CRACR2A: variants seen among roughly 807,000 people sequenced by gnomAD.
CRACR2A encodes the protein EF-hand calcium-binding domain-containing protein 4B.
Under a neutral mutation model 90.5 loss-of-function variants are expected in CRACR2A, and 79 were observed. The observed-to-expected ratio is 0.87, with a 90% CI of 0.73 to 1.05. The LOEUF is 1.05. CRACR2A is among the 50% of genes least tolerant of loss of function. The probability of loss-of-function intolerance (pLI) is 0.00; values close to 1 mark genes in which losing one functional copy is unlikely to be tolerated. For synonymous variants in CRACR2A, 338 were observed against 356.7 expected (o/e 0.95, Z 0.59); for missense variants, 823 against 897.2 (o/e 0.92, Z 1.06).
intron 12 of CRACR2A, among the ~76,000 whole-genome samples, chr12:3,643,064 G>A (rs1221136549): frequency 6.6e-6 from 1 of 152,222 alleles, no homozygotes; most frequent in Non-Finnish European, 1.5e-5. Flanking sequence ...GGGAGGTGAA[G>A]GGATTCGGGT....
chr12:3,734,629 A>G (rs28670057), intron 1 of CRACR2A, among the ~76,000 whole-genome samples: 16 of 149,612 alleles, frequency 1.1e-4, no homozygotes, highest in East Asian at 7.9e-4. Context: ...AGGTGTGTGT[A>G]TGTGTGTGTG....
At chr12:3,732,474 G>C (rs1037186366) in intron 2 of CRACR2A, 16 of 152,296 alleles carry the variant, frequency 1.1e-4, no homozygotes. Flanking sequence ...CCCTGCATGT[G>C]TCTGGAAGAA....
intron 3 of CRACR2A, among the ~76,000 whole-genome samples, chr12:3,710,320 C>G (rs1945989313): frequency 6.6e-6 from 1 of 152,142 alleles, no homozygotes. Context: ...ATATCTCACT[C>G]TATTCCAGCT....
chr12:3,624,335 A>G lies in CRACR2A; in HGVS notation c.1932+3101T>C, dbSNP rs181966450. ...AGGCGAGGGAGTTGGTAAAGTGCTC[A>G]GAGCTCTTTGGAAAAATAAGGTGCT... On this transcript the variant is annotated intron_variant, in intron 17 of 19. Transcript: ENST00000440314. 9.5e-4 allele frequency among the ~76,000 whole-genome samples: 144 copies of G among 152,288 alleles called. 1 individual carries two copies. Among genetic ancestry groups the G allele is most frequent in the Non-Finnish European group, 3.7e-4 (25 of 68,010 alleles).
chr12:3,720,185 G>A (rs1188765670), intron 2 of CRACR2A, among the ~76,000 whole-genome samples: 2 of 100,978 alleles, frequency 2.0e-5, no homozygotes, highest in African/African-American at 7.6e-5. Flanking sequence ...GGGAGGGCGG[G>A]AGGGAGGGGG....
Position 3,630,165 on chromosome 12 carries a change from T to TA in CRACR2A, c.1736-2460_1736-2459insT, listed in dbSNP as rs371087311. On this transcript the variant is annotated intron_variant, in intron 15 of 19. Coordinates refer to ENST00000440314, the MANE Select transcript of CRACR2A (RefSeq NM_001144958.2). ...GGGCTAAGTTGGATGCTGACAATCTTTAAGTGCAGCTGGAGCATTCGACCC... is the reference window on the plus strand; with the variant it reads ...GGGCTAAGTTGGATGCTGACAATCTTATAAGTGCAGCTGGAGCATTCGACCC... Among the ~76,000 whole-genome samples, 518 of 152,204 alleles carry TA rather than the reference T, an allele frequency of 3.4e-3. 5 individuals are homozygous for TA. Among genetic ancestry groups the TA allele is most frequent in the African/African-American group, 0.012 (487 of 41,504 alleles).
chr12:3,701,822 G>A (rs1591698900), intron 3 of CRACR2A, among the ~76,000 whole-genome samples: 2 of 152,126 alleles, frequency 1.3e-5, no homozygotes, highest in African/African-American at 2.4e-5. Context: ...CATATTATAT[G>A]AGGCTAGCAT....
intron 7 of CRACR2A, among the ~76,000 whole-genome samples, chr12:3,670,882 A>G (rs1212144853): frequency 1.3e-5 from 2 of 152,124 alleles, no homozygotes; most frequent in East Asian, 3.9e-4. Flanking sequence ...CCCAATCCCA[A>G]CACAGTTCCC....
intron 1 of CRACR2A, among the ~76,000 whole-genome samples, chr12:3,735,763 G>A (rs35974481): frequency 0.084 from 12,763 of 152,162 alleles, 658 homozygotes; most frequent in Middle Eastern, 0.18. Context: ...AGAAGCCCCC[G>A]CAGCCCCTGG....
intron 7 of CRACR2A, chr12:3,672,782 T>C (rs1436892135): frequency 1.0e-6 from 1 of 985,320 alleles, no homozygotes; most frequent in African/African-American, 1.7e-5. Context: ...GGGCTGTGAG[T>C]GAGGAGGACT....
At chr12:3,707,794 A>G (rs1336649397) in intron 3 of CRACR2A, among the ~76,000 whole-genome samples, 1 of 152,240 alleles carries the variant, frequency 6.6e-6, no homozygotes, top group African/African-American at 2.4e-5. Flanking sequence ...AGATGTAATA[A>G]TAACACCTGG....
At chr12:3,730,720 T>C (rs11062779) in intron 2 of CRACR2A, 36,846 of 151,924 alleles carry the variant, frequency 0.24, 4,703 homozygotes, top group Non-Finnish European at 0.27. Flanking sequence ...GTAGAGTCTG[T>C]TATAATTATG....
chr12:3,666,331 G>GTGTGTGTGTGTT lies in CRACR2A; in HGVS notation c.672-6678_672-6677insAACACACACACA, dbSNP rs1555112068. ...ATGTCCCTCCCTAAAGGACGGCTGC[G>GTGTGTGTGTGTT]TGTGTGTGTGTGTGTGTGTGTGTGC... On this transcript the variant is annotated intron_variant, in intron 7 of 19. Coordinates refer to ENST00000440314, the MANE Select transcript of CRACR2A (RefSeq NM_001144958.2). Among the ~76,000 whole-genome samples, 259 of 65,408 alleles carry GTGTGTGTGTGTT rather than the reference G, an allele frequency of 4.0e-3. 1 individual carries two copies. The highest frequency in any genetic ancestry group is 0.024 in the Middle Eastern group (3 of 124). The allele number at this position is 65,408 out of a possible 152,430, so 42.9% of individuals were successfully genotyped here.
chr12:3,702,527 A>T (rs1397284982), intron 3 of CRACR2A, among the ~76,000 whole-genome samples: 3 of 152,194 alleles, frequency 2.0e-5, no homozygotes, highest in African/African-American at 4.8e-5. Flanking sequence ...TTAAAATTGA[A>T]ATAAAAATAT....
intron 1 of CRACR2A, among the ~76,000 whole-genome samples, chr12:3,736,849 T>C (rs1280025726): frequency 6.6e-6 from 1 of 152,190 alleles, no homozygotes; most frequent in Non-Finnish European, 1.5e-5. Flanking sequence ...AACCCTGGAC[T>C]TATCAATGAG....
In CRACR2A at chr12:3,746,352, G is replaced by GCTCT. The variant is rs145041742; in HGVS notation, c.-387+6659_-387+6662dup. Among the ~76,000 whole-genome samples, 2 of 147,134 alleles carry GCTCT rather than the reference G, an allele frequency of 1.4e-5. No individual in the cohort carries two copies. The highest frequency in any genetic ancestry group is 3.0e-5 in the Non-Finnish European group (2 of 66,248). Reference sequence around the variant, plus strand: ...GCCCATCATGAAGAGACACCAGAGAGCTCTCTCTCTCTCTCTCTCTCCCCA... The same window carrying GCTCT: ...GCCCATCATGAAGAGACACCAGAGAGCTCTCTCTCTCTCTCTCTCTCTCTCCCCA... On this transcript the variant is annotated intron_variant, in intron 1 of 19. Coordinates refer to ENST00000440314, the MANE Select transcript of CRACR2A (RefSeq NM_001144958.2). This position sits in a 1 kb window ranked among gnomAD's most constrained non-coding sequence, Gnocchi z 4.4.
At chr12:3,639,493 C>T (rs989291821) in intron 13 of CRACR2A, among the ~76,000 whole-genome samples, 2 of 152,046 alleles carry the variant, frequency 1.3e-5, no homozygotes, top group Admixed American at 1.3e-4. Flanking sequence ...CAAGCATGCA[C>T]ACAGACTAGA....
intron 1 of CRACR2A, among the ~76,000 whole-genome samples, chr12:3,741,928 T>G (rs754932601): frequency 6.6e-6 from 1 of 152,220 alleles, no homozygotes; most frequent in Non-Finnish European, 1.5e-5. Flanking sequence ...GGCACATGTG[T>G]CCTCTCAGTG....
chr12:3,697,347 A>G (rs1285231669), intron 3 of CRACR2A, among the ~76,000 whole-genome samples: 1 of 152,188 alleles, frequency 6.6e-6, no homozygotes, highest in African/African-American at 2.4e-5. Context: ...AACAACAACA[A>G]AACAGATCCT....
Sources: allele counts gnomAD v4.1 joint callset (sites outside exome capture counted in the v4.1 genomes callset), GRCh38; gene constraint gnomAD v4.1.1; non-coding constraint Gnocchi (gnomAD v3.1); transcripts MANE v1.5; gene names NCBI Gene and HGNC (gene_info 2026-07-23, HGNC 2026-07-21).